HIPK2: variants seen among roughly 807,000 people sequenced by gnomAD.
HIPK2 encodes homeodomain-interacting protein kinase 2.
Under a neutral mutation model 113.7 loss-of-function variants are expected in HIPK2, and 27 were observed. That is an observed-to-expected ratio of 0.24 (90% CI 0.17 to 0.33). HIPK2 has a LOEUF of 0.33. HIPK2 is among the 10% of genes least tolerant of loss of function. HIPK2 has a pLI of 1.00. For missense variants in HIPK2, 1,257 were observed against 1,588.0 expected (o/e 0.79, Z 3.54); for synonymous variants, 631 against 642.2 (o/e 0.98, Z 0.26).
In HIPK2 at chr7:139,562,929, T is replaced by C. The variant is rs1330176644; in HGVS notation, c.*9998A>G. ...TTAGAAATTCTGCTGCCCCAAAGTA[T>C]GACTTTCTTGTCTATTTCATTTGGT... On this transcript the variant is annotated 3_prime_UTR_variant, in exon 15 of 15. Coordinates refer to ENST00000406875, the MANE Select transcript of HIPK2 (RefSeq NM_022740.5). The C allele has an allele frequency of 6.6e-6, 1 of 152,268 alleles. No individual in the cohort carries two copies. The highest frequency in any genetic ancestry group is 1.5e-5 in the Non-Finnish European group (1 of 68,058). The allele number at this position is 152,268 out of a possible 1,614,324, so 9.4% of individuals were successfully genotyped here.
chr7:139,681,938 C>G (rs148606616), intron 2 of HIPK2, among the ~76,000 whole-genome samples: 194 of 152,272 alleles, frequency 1.3e-3, no homozygotes, highest in African/African-American at 4.3e-3. Flanking sequence ...CATGGCCTGG[C>G]CTGAGTGGGC....
chr7:139,600,452 G>A lies in HIPK2; in HGVS notation c.2400C>T (p.Ser800=). 1 of 1,613,896 alleles carries A rather than the reference G, an allele frequency of 6.2e-7. No homozygotes were observed. Residue 800 remains serine, a synonymous_variant, in exon 11 of 15, where the codon TCC becomes TCT. Coordinates refer to ENST00000406875, the MANE Select transcript of HIPK2 (RefSeq NM_022740.5). ...VMRQQPTSTT[S]SRKSKQHQSS... ...ACTGGTGCTGCTTACTCTTCCGGGA[G>A]GAGGTGGTGCTGGTTGGCTGCTGCC...
chr7:139,773,778 G>A (rs781565236), intron 1 of HIPK2, among the ~76,000 whole-genome samples: 15 of 152,216 alleles, frequency 9.9e-5, no homozygotes, highest in Non-Finnish European at 1.9e-4. Flanking sequence ...CCCCTTGGAG[G>A]AGGCTCTTGG....
At chr7:139,660,386 A>C (rs1801827619) in intron 2 of HIPK2, among the ~76,000 whole-genome samples, 1 of 152,190 alleles carries the variant, frequency 6.6e-6, no homozygotes, top group Admixed American at 6.5e-5. Flanking sequence ...CATGTATACC[A>C]CAGGACATTT....
chr7:139,572,229 G>A lies in HIPK2; in HGVS notation c.*698C>T, dbSNP rs1260641486. On this transcript the variant is annotated 3_prime_UTR_variant, in exon 15 of 15. Coordinates refer to ENST00000406875, the MANE Select transcript of HIPK2 (RefSeq NM_022740.5). Reference sequence around the variant, plus strand: ...AAAAGAAAACTCGCCCCGCGCCCCCGGGGGCCTTCCAGCAGCCTGGCCGTC... The same window carrying A: ...AAAAGAAAACTCGCCCCGCGCCCCCAGGGGCCTTCCAGCAGCCTGGCCGTC... The A allele has an allele frequency of 6.6e-6, 1 of 152,180 alleles. No homozygotes were observed. Among genetic ancestry groups the A allele is most frequent in the African/African-American group, 2.4e-5 (1 of 41,456 alleles). 9.4% of individuals were successfully genotyped at this position (152,180 alleles called of 1,614,324 possible).
intron 10 of HIPK2, among the ~76,000 whole-genome samples, chr7:139,603,496 C>T (rs78113528): frequency 1.1e-3 from 164 of 152,138 alleles, no homozygotes; most frequent in Non-Finnish European, 1.9e-3. Context: ...GTCAGGTGGA[C>T]GCCTCTGGGG....
chr7:139,738,838 T>C (rs1301743083), intron 1 of HIPK2, among the ~76,000 whole-genome samples: 1 of 152,294 alleles, frequency 6.6e-6, no homozygotes, highest in South Asian at 2.1e-4. Context: ...TATTAATCAC[T>C]GAAATCTACC....
chr7:139,694,353 G>C (rs1421396096), intron 2 of HIPK2, among the ~76,000 whole-genome samples: 1 of 151,898 alleles, frequency 6.6e-6, no homozygotes, highest in Non-Finnish European at 1.5e-5. Context: ...CCCAGTGATA[G>C]ATACCCATTA....
At chr7:139,756,358 T>G (rs906989133) in intron 1 of HIPK2, among the ~76,000 whole-genome samples, 1 of 152,264 alleles carries the variant, frequency 6.6e-6, no homozygotes, top group African/African-American at 2.4e-5. Flanking sequence ...AAAAAGTATA[T>G]GTATTTCAGC....
chr7:139,626,537 A>G lies in HIPK2; in HGVS notation c.1619+64T>C, dbSNP rs192902802. On this transcript the variant is annotated intron_variant, in intron 6 of 14. Transcript: ENST00000406875. ...ACCTTATGGCCGCAAAACCTAAAAT[A>G]TTTAGTGTCTGGGCCTTTAAAGTTT... 84 of 1,535,610 alleles carry G rather than the reference A, an allele frequency of 5.5e-5. No homozygotes were observed. In the African/African-American group the frequency reaches 9.5e-4, roughly 17 times the overall value.
intron 1 of HIPK2, among the ~76,000 whole-genome samples, chr7:139,746,711 C>G (rs1796196862): frequency 6.6e-6 from 1 of 152,174 alleles, no homozygotes; most frequent in African/African-American, 2.4e-5. Flanking sequence ...AAAACTCCTG[C>G]CCTCCAATTC....
At chr7:139,593,483 A>G (rs1034576148) in intron 12 of HIPK2, among the ~76,000 whole-genome samples, 1 of 152,246 alleles carries the variant, frequency 6.6e-6, no homozygotes, top group African/African-American at 2.4e-5. Flanking sequence ...TGGGGTCAGG[A>G]ATAATGATTT....
At position 139,768,611 on chromosome 7, in the gene HIPK2, G is replaced by T. The variant is rs1796591710; in HGVS notation, c.19+8994C>A. Among the ~76,000 whole-genome samples the T allele has an allele frequency of 2.6e-5, 4 of 152,278 alleles. No homozygotes were observed. In the South Asian group the frequency reaches 8.3e-4, roughly 32 times the overall value. ...CAGGGAAACACAAGGAACCACTGAGGGCACTGTGGCCTTGCTTTCCTTGGG... is the reference window on the plus strand; with the variant it reads ...CAGGGAAACACAAGGAACCACTGAGTGCACTGTGGCCTTGCTTTCCTTGGG... On this transcript the variant is annotated intron_variant, in intron 1 of 14. Transcript: ENST00000406875.
At chr7:139,761,425 TC>T (rs1796462472) in intron 1 of HIPK2, among the ~76,000 whole-genome samples, 1 of 152,188 alleles carries the variant, frequency 6.6e-6, no homozygotes, top group African/African-American at 2.4e-5. Context: ...AATCTCAGCA[TC>T]CCCAGTAGTG....
chr7:139,593,896 T>C (rs1387436756), intron 12 of HIPK2, among the ~76,000 whole-genome samples: 1 of 152,200 alleles, frequency 6.6e-6, no homozygotes, highest in Non-Finnish European at 1.5e-5. Context: ...GACCCCTCCA[T>C]GTGGCTGCAC....
At chr7:139,773,613 G>A (rs1329869236) in intron 1 of HIPK2, among the ~76,000 whole-genome samples, 1 of 152,220 alleles carries the variant, frequency 6.6e-6, no homozygotes, top group Non-Finnish European at 1.5e-5. Flanking sequence ...CTCTATGGGA[G>A]GAAGGGAGAG....
rs911663299 is a variant in HIPK2 at position 139,777,758 on chromosome 7, C to T, written c.-135G>A. 122 of 842,266 alleles carry T rather than the reference C, an allele frequency of 1.4e-4. No individual in the cohort carries two copies. The highest frequency in any genetic ancestry group is 5.3e-4 in the South Asian group (10 of 18,980). 52.2% of individuals were successfully genotyped at this position (842,266 alleles called of 1,614,324 possible). ...CTCGGCGCAGCCGAGGCCGCCCGCG[C>T]CCGCATCACCGCCTCCCGTGGCCGG... is the stretch of plus-strand genomic sequence containing the variant. On this transcript the variant is annotated 5_prime_UTR_variant, in exon 1 of 15. Transcript: ENST00000406875.
chr7:139,640,675 G>C (rs1235181618), intron 2 of HIPK2, among the ~76,000 whole-genome samples: 3 of 151,950 alleles, frequency 2.0e-5, no homozygotes, highest in Admixed American at 6.6e-5. Flanking sequence ...TTTGAGACAG[G>C]GTCTCGCTCT....
At chr7:139,719,224 C>T (rs547921515) in intron 1 of HIPK2, among the ~76,000 whole-genome samples, 2 of 152,082 alleles carry the variant, frequency 1.3e-5, no homozygotes, top group African/African-American at 4.8e-5. Context: ...CTGCAACCTC[C>T]GCCTCCTGAG....
Sources: gnomAD v4.1 joint callset for allele counts (sites outside exome capture counted in the v4.1 genomes callset) on GRCh38, gnomAD v4.1.1 for gene constraint, MANE v1.5 for transcripts, NCBI Gene and HGNC (gene_info 2026-07-23, HGNC 2026-07-21) for gene names.